Variants in CEP112 observed in about 807,000 individuals in gnomAD.
The protein encoded by CEP112 is centrosomal protein of 112 kDa.
CEP112 carries 127 observed loss-of-function variants against 153.0 expected under a neutral mutation model. That is an observed-to-expected ratio of 0.83 (90% CI 0.72 to 0.96). The LOEUF (loss-of-function observed/expected upper bound fraction) is 0.96, where lower values mean the gene tolerates loss of function less well. Among genes scored for constraint, CEP112 ranks in the 40% least tolerant of loss-of-function variants. The probability of loss-of-function intolerance (pLI) is 0.00; values close to 1 mark genes in which losing one functional copy is unlikely to be tolerated. For missense variants in CEP112, 1,089 were observed against 1,101.2 expected (o/e 0.99, Z 0.16); for synonymous variants, 358 against 374.4 (o/e 0.96, Z 0.51).
Position 66,028,405 on chromosome 17 carries a change from C to T in CEP112, c.1504G>A (p.Ala502Thr). The part of the protein sequence containing the change: ...KQEHALSASK[A>T]SSMIEELEQN... Reference sequence around the variant, plus strand: ...TCTAATTCTTCAATCATACTAGATGCCTACAAGGATTTTAAGAAGAATAAA... The same window carrying T: ...TCTAATTCTTCAATCATACTAGATGTCTACAAGGATTTTAAGAAGAATAAA... The change falls in exon 15 of 27, where the codon GCA (alanine) becomes ACA (threonine). Residue 502 changes from alanine to threonine, a missense_variant and splice_region_variant. Coordinates refer to ENST00000535342, the MANE Select transcript of CEP112 (RefSeq NM_001199165.4). The T allele has an allele frequency of 1.3e-6, 2 of 1,517,280 alleles. No homozygotes were observed. The highest frequency in any genetic ancestry group is 1.8e-6 in the Non-Finnish European group (2 of 1,112,052). 94.0% of individuals were successfully genotyped at this position (1,517,280 alleles called of 1,614,324 possible). A position where few individuals can be genotyped will look rare whatever the true frequency, so the allele number is the denominator to read the frequency against.
intron 23 of CEP112, among the ~76,000 whole-genome samples, chr17:65,693,309 C>T (rs1470448857): frequency 6.6e-6 from 1 of 152,154 alleles, no homozygotes; most frequent in Non-Finnish European, 1.5e-5. Flanking sequence ...TCAGTTTTCA[C>T]ACCAGTCACT....
intron 16 of CEP112, among the ~76,000 whole-genome samples, chr17:66,025,968 CCA>C (rs150059801): frequency 3.1e-5 from 4 of 130,620 alleles, no homozygotes; most frequent in East Asian, 6.8e-4. Flanking sequence ...TATATATAGA[CCA>C]CACACACACA....
intron 24 of CEP112, among the ~76,000 whole-genome samples, chr17:65,676,332 G>GAAA (rs60299147): frequency 1.6e-5 from 2 of 126,012 alleles, no homozygotes; most frequent in Non-Finnish European, 3.5e-5. Flanking sequence ...TGTCTTAAAA[G>GAAA]AAAAAAAAAA....
chr17:65,904,744 C>T (rs1023689288), intron 19 of CEP112, among the ~76,000 whole-genome samples: 3 of 152,038 alleles, frequency 2.0e-5, no homozygotes, highest in Admixed American at 6.6e-5. Context: ...GGAACTGGTA[C>T]CAAAACAGAT....
At chr17:66,014,101 G>C (rs1206103881) in intron 16 of CEP112, among the ~76,000 whole-genome samples, 2 of 152,230 alleles carry the variant, frequency 1.3e-5, no homozygotes, top group African/African-American at 4.8e-5. Flanking sequence ...CAGCATGGAA[G>C]GGCAAGGTTC....
At chr17:65,669,128 C>T (rs1470991429) in intron 24 of CEP112, among the ~76,000 whole-genome samples, 2 of 152,230 alleles carry the variant, frequency 1.3e-5, no homozygotes, top group Non-Finnish European at 2.9e-5. Context: ...GGGAGAGCGG[C>T]AGCTGGCCCT....
chr17:65,708,621 C>T (rs964801575), intron 23 of CEP112, among the ~76,000 whole-genome samples: 1 of 152,116 alleles, frequency 6.6e-6, no homozygotes, highest in Non-Finnish European at 1.5e-5. Context: ...TCTTCTCTTG[C>T]CCCTTGGTGA....
At chr17:65,908,326 C>T (rs2060158012) in intron 19 of CEP112, among the ~76,000 whole-genome samples, 1 of 152,134 alleles carries the variant, frequency 6.6e-6, no homozygotes, top group Non-Finnish European at 1.5e-5. Context: ...GGGTTGACGG[C>T]TTGGTGGTTG....
At chr17:65,821,780 G>A (rs975340158) in intron 21 of CEP112, among the ~76,000 whole-genome samples, 1 of 150,654 alleles carries the variant, frequency 6.6e-6, no homozygotes, top group Non-Finnish European at 1.5e-5. Flanking sequence ...TCGAACTCCT[G>A]ACTTCAGGTG....
chr17:65,741,464 T>A (rs1474445809), intron 23 of CEP112, among the ~76,000 whole-genome samples: 1 of 151,128 alleles, frequency 6.6e-6, no homozygotes, highest in Non-Finnish European at 1.5e-5. Context: ...CATATAGTTT[T>A]TATATATATT....
intron 18 of CEP112, among the ~76,000 whole-genome samples, chr17:65,934,047 G>A (rs1454624866): frequency 1.3e-5 from 2 of 152,140 alleles, no homozygotes; most frequent in Admixed American, 1.3e-4. Flanking sequence ...AAGTTACATG[G>A]GCACAGTTGT....
chr17:65,938,548 A>C (rs1250412766), intron 18 of CEP112, among the ~76,000 whole-genome samples: 4 of 152,232 alleles, frequency 2.6e-5, no homozygotes, highest in Non-Finnish European at 4.4e-5. Context: ...GAATTAGACA[A>C]GGATGTCCAC....
intron 24 of CEP112, among the ~76,000 whole-genome samples, chr17:65,656,499 A>G (rs985696146): frequency 6.6e-6 from 1 of 152,254 alleles, no homozygotes; most frequent in African/African-American, 2.4e-5. Flanking sequence ...GGGGTCAACA[A>G]ACTTCAGCCT....
intron 24 of CEP112, among the ~76,000 whole-genome samples, chr17:65,683,555 C>G (rs1004724648): frequency 6.6e-6 from 1 of 152,208 alleles, no homozygotes; most frequent in Non-Finnish European, 1.5e-5. Context: ...CCCGGCTCCC[C>G]GGAGGGCTGC....
At chr17:65,793,857 A>G (rs1335687094) in intron 21 of CEP112, among the ~76,000 whole-genome samples, 1 of 152,128 alleles carries the variant, frequency 6.6e-6, no homozygotes, top group Admixed American at 6.5e-5. Flanking sequence ...TAACTTCATT[A>G]CCTTTCTCTT....
chr17:66,148,934 T>C (rs901452729), intron 4 of CEP112, among the ~76,000 whole-genome samples: 4 of 152,198 alleles, frequency 2.6e-5, no homozygotes, highest in Admixed American at 6.5e-5. Flanking sequence ...AAGCTTTCAG[T>C]CTTTCACTAT....
Position 65,750,643 on chromosome 17 carries a change from G to A in CEP112, c.2457+19C>T, listed in dbSNP as rs776510730. On this transcript the variant is annotated intron_variant, in intron 22 of 26. Coordinates refer to ENST00000535342, the MANE Select transcript of CEP112 (RefSeq NM_001199165.4). Reference sequence around the variant, plus strand: ...TTGTTTTGGTTTTACCCTGTTTTGTGTCTTTTAATGTTGCTTACCTGTGAA... The same window carrying A: ...TTGTTTTGGTTTTACCCTGTTTTGTATCTTTTAATGTTGCTTACCTGTGAA... 1.2e-6 allele frequency: 2 copies of A among 1,609,844 alleles called. No homozygotes were observed. Among genetic ancestry groups the A allele is most frequent in the Admixed American group, 1.7e-5 (1 of 60,008 alleles).
At chr17:65,656,069 G>T (rs1440817606) in intron 24 of CEP112, among the ~76,000 whole-genome samples, 1 of 152,210 alleles carries the variant, frequency 6.6e-6, no homozygotes, top group Non-Finnish European at 1.5e-5. Context: ...AGGGTCAGGG[G>T]TAGAGTATGT....
At chr17:65,974,987 G>A (rs567064606) in intron 17 of CEP112, among the ~76,000 whole-genome samples, 1 of 152,020 alleles carries the variant, frequency 6.6e-6, no homozygotes, top group Admixed American at 6.6e-5. Flanking sequence ...ACAGGAGAGG[G>A]AAATTCTGAA....
Sources: allele counts gnomAD v4.1 joint callset (sites outside exome capture counted in the v4.1 genomes callset), GRCh38; gene constraint gnomAD v4.1.1; transcripts MANE v1.5; gene names NCBI Gene and HGNC (gene_info 2026-07-23, HGNC 2026-07-21).